The following MKS1 variants were observed in gnomAD, a reference collection of about 807,000 sequenced individuals.
MKS1 encodes tectonic-like complex member MKS1.
Under a neutral mutation model 83.7 loss-of-function variants are expected in MKS1, and 70 were observed. The ratio of observed to expected loss-of-function variants is 0.84; its 90% CI spans 0.69 to 1.02. The LOEUF is 1.02. MKS1 is among the 50% of genes least tolerant of loss of function. The pLI is 0.00. For synonymous variants in MKS1, 251 were observed against 273.4 expected (o/e 0.92, Z 0.81); for missense variants, 681 against 726.9 (o/e 0.94, Z 0.73).
Position 58,216,240 on chromosome 17 carries a change from C to A in MKS1, c.265G>T (p.Glu89Ter). 6.2e-7 allele frequency: 1 copy of A among 1,612,548 alleles called. No homozygotes were observed. The highest frequency in any genetic ancestry group is 8.5e-7 in the Non-Finnish European group (1 of 1,179,932). The change falls in exon 4 of 18, where the codon GAA (glutamate) becomes TAA (stop). Residue 89 changes from glutamate (E) to a stop codon, truncating the protein, a stop_gained. Coordinates refer to ENST00000393119, the MANE Select transcript of MKS1 (RefSeq NM_017777.4). LOFTEE classifies it high-confidence loss of function. Reference sequence around the variant, plus strand: ...GTTTCATTTTGGTACAGATCTACTTCAAACTGAGGTTACCATAAGGAAACA... The same window carrying A: ...GTTTCATTTTGGTACAGATCTACTTAAAACTGAGGTTACCATAAGGAAACA... ...GWQEKLFSQF[E>*]VDLYQNETAC...
Position 58,214,318 on chromosome 17 carries a change from G to T in MKS1, c.585C>A (p.His195Gln). 1.9e-6 allele frequency: 3 copies of T among 1,614,086 alleles called. No homozygotes were observed. The highest frequency in any genetic ancestry group is 2.5e-6 in the Non-Finnish European group (3 of 1,180,030). The change falls in exon 6 of 18, where the codon CAC (histidine) becomes CAA (glutamine). Residue 195 changes from histidine (H) to glutamine (Q), a missense_variant. Coordinates refer to ENST00000393119, the MANE Select transcript of MKS1 (RefSeq NM_017777.4). ...EPSEEFVRNN[H>Q]VINTPLQTMH... ...TTGTCTGAAGAGGGGTGTTAATGAC[G>T]TGGTTGTTCCTGACAAACTCTTCTG...
rs558022901 is a variant in MKS1, at chr17:58,209,392, G to T, written c.1025-809C>A. ...CCATCTCTCATGGAGCTGACATTCT[G>T]GGGGAAGCAGGGAGACAGACAAAAA... On this transcript the variant is annotated intron_variant, in intron 11 of 17. Coordinates refer to ENST00000393119, the MANE Select transcript of MKS1 (RefSeq NM_017777.4). The surrounding 1 kb of genome is among the most constrained non-coding windows in gnomAD (Gnocchi z 4.1). Among the ~76,000 whole-genome samples, 22 of 152,318 alleles carry T rather than the reference G, an allele frequency of 1.4e-4. No individual in the cohort carries two copies. Among genetic ancestry groups the T allele is most frequent in the Non-Finnish European group, 1.2e-4 (8 of 68,036 alleles).
intron 11 of MKS1, 40 bp from the exon 12 acceptor site, chr17:58,208,623 G>A (rs750861981): frequency 1.3e-6 from 2 of 1,563,594 alleles, no homozygotes; most frequent in Non-Finnish European, 1.8e-6. Context: ...TCGCCTGGGA[G>A]GAAAGCAAGT....
intron 10 of MKS1, 110 bp from the exon 11 acceptor site, chr17:58,210,834 G>A: frequency 2.1e-6 from 3 of 1,441,756 alleles, no homozygotes; most frequent in Non-Finnish European, 1.9e-6. Context: ...TGAGGGCCAG[G>A]AACCCTCTGC....
intron 9 of MKS1, 85 bp from the exon 10 acceptor site, chr17:58,211,107 C>T (rs1022873588): frequency 3.5e-5 from 49 of 1,389,658 alleles, no homozygotes; most frequent in Middle Eastern, 1.8e-4. Context: ...AATCTGCAGA[C>T]GACCTGCCAC....
chr17:58,210,168 C>A (rs1436756256), intron 11 of MKS1, among the ~76,000 whole-genome samples: 1 of 152,028 alleles, frequency 6.6e-6, no homozygotes, highest in Non-Finnish European at 1.5e-5. Flanking sequence ...ACAGAAATGA[C>A]AAAAGAGGTA....
Position 58,207,984 on chromosome 17 carries a change from G to A in MKS1, c.1183C>T (p.Pro395Ser). The A allele has an allele frequency of 6.2e-7, 1 of 1,614,080 alleles. No homozygotes were observed. The highest frequency in any genetic ancestry group is 8.5e-7 in the Non-Finnish European group (1 of 1,180,006). The change falls in exon 14 of 18, where the codon CCT becomes TCT. Residue 395 changes from proline to serine, a missense_variant. By Grantham distance (74) the Pro-to-Ser change is moderately conservative. Transcript: ENST00000393119. ...DESSDALPEW[P>S]VLYCEVLSLD... The stretch of plus-strand genomic sequence containing the variant: ...GAGAGGACCTCACAGTAGAGCACAG[G>A]CCACTCCGGGAGTGCATCTGGGAGC...
chr17:58,215,326 C>G (rs1352572944), intron 4 of MKS1, among the ~76,000 whole-genome samples: 2 of 152,164 alleles, frequency 1.3e-5, no homozygotes, highest in Non-Finnish European at 2.9e-5. Context: ...GTGGTGCTAT[C>G]ATAGCTCACT....
Position 58,219,136 on chromosome 17 carries a change from G to A in MKS1, c.80+15C>T. On this transcript the variant is annotated intron_variant, in intron 1 of 17. Coordinates refer to ENST00000393119, the MANE Select transcript of MKS1 (RefSeq NM_017777.4). ...ACAAAAGCATGGGGCCTCGGGGCTG[G>A]GGCGGTGCGACTACCGGAGGCGCAA... 1 of 1,550,890 alleles carries A rather than the reference G, an allele frequency of 6.4e-7. No individual in the cohort carries two copies. The highest frequency in any genetic ancestry group is 8.7e-7 in the Non-Finnish European group (1 of 1,146,970).
Position 58,212,494 on chromosome 17 carries a change from T to C in MKS1, c.859-60A>G. ...AACCCAAGCTAGACCAAAGTTCAGTTCTGAATGGGAAGAAGAAAAGCAATA... is the reference window on the plus strand; with the variant it reads ...AACCCAAGCTAGACCAAAGTTCAGTCCTGAATGGGAAGAAGAAAAGCAATA... On this transcript the variant is annotated intron_variant, in intron 8 of 17. Transcript: ENST00000393119. 2.6e-6 allele frequency: 4 copies of C among 1,565,342 alleles called. No individual in the cohort carries two copies. The South Asian group carries it at 4.4e-5, about 17-fold the overall frequency.
intron 9 of MKS1, 56 bp downstream of exon 9, chr17:58,212,322 T>G: frequency 1.9e-6 from 3 of 1,599,606 alleles, no homozygotes; most frequent in Non-Finnish European, 2.6e-6. Flanking sequence ...TCATCCACAG[T>G]CAGAATGCTC....
chr17:58,211,162 C>A, intron 9 of MKS1, 140 bp from the exon 10 acceptor site: 1 of 740,622 alleles, frequency 1.4e-6, no homozygotes, highest in Non-Finnish European at 2.4e-6. Flanking sequence ...TCTCCCCACC[C>A]TGACACTTCT....
At chr17:58,211,174 C>T (rs1968853924) in intron 9 of MKS1, 152 bp from the exon 10 acceptor site, 1 of 698,962 alleles carries the variant, frequency 1.4e-6, no homozygotes, top group African/African-American at 1.8e-5. Context: ...GACACTTCTC[C>T]ACAGATCTGT....
In MKS1 at chr17:58,206,348, C is replaced by G. The variant is rs1052263756; in HGVS notation, c.1523G>C (p.Arg508Thr). The G allele has an allele frequency of 6.2e-7, 1 of 1,614,028 alleles. No individual in the cohort carries two copies. Among genetic ancestry groups the G allele is most frequent in the Non-Finnish European group, 8.5e-7 (1 of 1,180,042 alleles). ...CAGACGGTCCAACACACTCCGCATC[C>G]TTTTCTGAAGGGAGCTCGATTCCAT... Reference protein sequence around the residue: ...AFMESSSLQKRMRSVLDRLEG... With the variant: ...AFMESSSLQKTMRSVLDRLEG... The change falls in exon 17 of 18, where the codon AGG becomes ACG. Residue 508 changes from arginine (R) to threonine (T), a missense_variant. Coordinates refer to ENST00000393119, the MANE Select transcript of MKS1 (RefSeq NM_017777.4).
Position 58,207,141 on chromosome 17 carries a change from C to A in MKS1, c.1351G>T (p.Gly451Cys). ...TVAELRRFFI[G>C]GSLELEDLSY... ...AGGTCCTCCAGTTCCAGAGAACCGCCAATGAAAAACCTCCTCAGCTCAGCC... is the reference window on the plus strand; with the variant it reads ...AGGTCCTCCAGTTCCAGAGAACCGCAAATGAAAAACCTCCTCAGCTCAGCC... The change falls in exon 15 of 18, where the codon GGC (glycine) becomes TGC (cysteine). Residue 451 changes from glycine (G) to cysteine (C), a missense_variant. Transcript: ENST00000393119. 1 of 1,614,136 alleles carries A rather than the reference C, an allele frequency of 6.2e-7. No homozygotes were observed. Among genetic ancestry groups the A allele is most frequent in the Non-Finnish European group, 8.5e-7 (1 of 1,180,026 alleles).
At chr17:58,208,077 G>T (rs1968638060) in intron 13 of MKS1, 28 bp downstream of exon 13, 2 of 1,609,308 alleles carry the variant, frequency 1.2e-6, no homozygotes, top group African/African-American at 2.7e-5. Flanking sequence ...GGGAACCAAG[G>T]CCCAGGATCA....
chr17:58,212,975 C>T lies in MKS1; in HGVS notation c.858+7G>A, dbSNP rs918270665. The T allele has an allele frequency of 1.7e-5, 27 of 1,613,094 alleles. No individual in the cohort carries two copies. Among genetic ancestry groups the T allele is most frequent in the African/African-American group, 5.3e-5 (4 of 74,888 alleles). ...CCCTTGGATACTTGGAATGAACTTGCGCTTACATCCTTGAACACTCGCCGT... is the reference window on the plus strand; with the variant it reads ...CCCTTGGATACTTGGAATGAACTTGTGCTTACATCCTTGAACACTCGCCGT... On this transcript the variant is annotated splice_region_variant and intron_variant, in intron 8 of 17. Transcript: ENST00000393119.
rs1293696724 is a variant in MKS1, at chr17:58,206,033, AT to A, written c.*45del. ...AGGCAGGAGAGCACTGGCCTCAGAT[AT>A]CCCCCATCTTGTCCTCTTGCACTGT... On this transcript the variant is annotated 3_prime_UTR_variant, in exon 18 of 18. Transcript: ENST00000393119. 2 of 1,574,880 alleles carry A rather than the reference AT, an allele frequency of 1.3e-6. No homozygotes were observed.
rs1969403154 is a variant in MKS1 at position 58,218,657 on chromosome 17, G to A, written c.153C>T (p.Leu51=). The change falls in exon 2 of 18, where the codon CTC becomes CTT. Residue 51 remains leucine (L), a synonymous_variant. Transcript: ENST00000393119. ...GAGGCCTAAAAGTGGCCAAGTCTAT[G>A]AGGTCCTTCCCGAGCTCGGCAGCAG... ...YQPAAELGKD[L]IDLATFRPQP... The A allele has an allele frequency of 6.2e-7, 1 of 1,613,830 alleles. No homozygotes were observed. The highest frequency in any genetic ancestry group is 8.5e-7 in the Non-Finnish European group (1 of 1,179,908).
Sources: gnomAD v4.1 joint callset for allele counts (sites outside exome capture counted in the v4.1 genomes callset) on GRCh38, gnomAD v4.1.1 for gene constraint, Gnocchi (gnomAD v3.1) non-coding constraint, MANE v1.5 for transcripts, NCBI Gene and HGNC (gene_info 2026-07-23, HGNC 2026-07-21) for gene names.